The following EXT1 variants were observed in gnomAD, a reference collection of about 807,000 sequenced individuals.
The protein encoded by EXT1 is exostosin-1.
Under a neutral mutation model 82.5 loss-of-function variants are expected in EXT1, and 20 were observed. The observed-to-expected ratio is 0.24, with a 90% confidence interval of 0.17 to 0.35. The LOEUF (loss-of-function observed/expected upper bound fraction) is 0.35. Among genes scored for constraint, EXT1 ranks in the 10% least tolerant of loss-of-function variants. EXT1 has a pLI of 1.00. For synonymous variants in EXT1, 348 were observed against 350.8 expected, an observed-to-expected ratio of 0.99 and a Z score of 0.09; for missense variants, 757 against 936.5, an observed-to-expected ratio of 0.81 and a Z score of 2.50.
chr8:117,813,552 T>A (rs1285604750), intron 7 of EXT1, among the ~76,000 whole-genome samples: 3 of 152,174 alleles, frequency 2.0e-5, no homozygotes, highest in Non-Finnish European at 2.9e-5. Context: ...CAGATCACTG[T>A]AGAAAGTGCT....
Position 117,861,626 on chromosome 8 carries a change from C to T in EXT1, c.963-24425G>A, listed in dbSNP as rs1438208863. ...TCTTGCACCTCAGCCTCCTGAGTAG[C>T]TGGGATTACAGATACGTGCCACCAC... On this transcript the variant is annotated intron_variant, in intron 1 of 10. Coordinates refer to ENST00000378204, the MANE Select transcript of EXT1 (RefSeq NM_000127.3). Among the ~76,000 whole-genome samples the T allele has an allele frequency of 1.4e-5, 2 of 141,178 alleles. 1 individual carries two copies. The highest frequency in any genetic ancestry group is 5.0e-5 in the African/African-American group (2 of 40,366). The allele number at this position is 141,178 out of a possible 152,430, so 92.6% of individuals were successfully genotyped here.
intron 7 of EXT1, among the ~76,000 whole-genome samples, chr8:117,816,821 T>A (rs1811829575): frequency 6.6e-6 from 1 of 152,172 alleles, no homozygotes; most frequent in African/African-American, 2.4e-5. Flanking sequence ...TATCCTGACA[T>A]ATCCAAAGAA....
intron 1 of EXT1, among the ~76,000 whole-genome samples, chr8:117,864,379 C>A (rs887565575): frequency 2.0e-5 from 3 of 152,110 alleles, no homozygotes; most frequent in African/African-American, 7.2e-5. Context: ...TTTGGCTTTC[C>A]TGGGCCAGGA....
intron 1 of EXT1, among the ~76,000 whole-genome samples, chr8:118,096,700 G>A (rs956529985): frequency 6.8e-6 from 1 of 147,474 alleles, no homozygotes; most frequent in Non-Finnish European, 1.5e-5. Context: ...GGGAAGGAGG[G>A]AAGGAGGGAG....
chr8:118,043,659 C>T (rs1816573651), intron 1 of EXT1, among the ~76,000 whole-genome samples: 1 of 152,228 alleles, frequency 6.6e-6, no homozygotes, highest in Non-Finnish European at 1.5e-5. Context: ...AGATATTCTC[C>T]TCCAACTCCA....
chr8:117,894,540 T>C (rs2129951715), intron 1 of EXT1, among the ~76,000 whole-genome samples: 1 of 152,342 alleles, frequency 6.6e-6, no homozygotes, highest in South Asian at 2.1e-4. Context: ...CCTATATTCC[T>C]AGTATCACTT....
intron 1 of EXT1, among the ~76,000 whole-genome samples, chr8:118,025,363 C>T (rs1460861265): frequency 6.6e-6 from 1 of 152,056 alleles, no homozygotes; most frequent in Non-Finnish European, 1.5e-5. Context: ...AACATTCCAG[C>T]CAAAGAATGT....
At chr8:117,959,917 C>T (rs570308119) in intron 1 of EXT1, among the ~76,000 whole-genome samples, 1 of 152,278 alleles carries the variant, frequency 6.6e-6, no homozygotes, top group Non-Finnish European at 1.5e-5. Flanking sequence ...CAGATTGGCA[C>T]ATAATAAATA....
chr8:118,013,269 C>T (rs918521735), intron 1 of EXT1, among the ~76,000 whole-genome samples: 2 of 152,070 alleles, frequency 1.3e-5, no homozygotes, highest in Admixed American at 6.5e-5. Context: ...AGTGCAGTGG[C>T]GCAATCTTAG....
At chr8:117,802,158 T>C (rs554935635) in intron 10 of EXT1, among the ~76,000 whole-genome samples, 30 of 152,256 alleles carry the variant, frequency 2.0e-4, no homozygotes, top group Middle Eastern at 6.8e-3. Context: ...AGACCTAAGG[T>C]TAAATTTAGA....
At chr8:118,008,263 T>G (rs1039006151) in intron 1 of EXT1, among the ~76,000 whole-genome samples, 1 of 152,134 alleles carries the variant, frequency 6.6e-6, no homozygotes, top group Non-Finnish European at 1.5e-5. Context: ...ATACTTTTTT[T>G]TGTTTTTTTA....
chr8:117,878,721 T>C (rs2129913685), intron 1 of EXT1, among the ~76,000 whole-genome samples: 1 of 152,348 alleles, frequency 6.6e-6, no homozygotes, highest in East Asian at 1.9e-4. Flanking sequence ...CCCTTTCTTA[T>C]TCTCATCATC....
intron 1 of EXT1, among the ~76,000 whole-genome samples, chr8:118,076,724 G>C (rs1817219177): frequency 6.6e-6 from 1 of 152,130 alleles, no homozygotes; most frequent in Non-Finnish European, 1.5e-5. Context: ...ATTTTTAGGA[G>C]GTCGAGATGC....
intron 1 of EXT1, among the ~76,000 whole-genome samples, chr8:118,072,790 C>G (rs915841184): frequency 6.6e-6 from 1 of 152,114 alleles, no homozygotes; most frequent in African/African-American, 2.4e-5. Context: ...AGGCATTTAA[C>G]AAAATGTTTC....
chr8:117,826,604 T>G (rs1484303738), intron 4 of EXT1, among the ~76,000 whole-genome samples: 1 of 152,206 alleles, frequency 6.6e-6, no homozygotes, highest in Non-Finnish European at 1.5e-5. Context: ...TTTCCCCTGA[T>G]TTTTTGATTA....
At chr8:117,962,248 T>A (rs1048848093) in intron 1 of EXT1, among the ~76,000 whole-genome samples, 5 of 152,194 alleles carry the variant, frequency 3.3e-5, no homozygotes, top group Non-Finnish European at 5.9e-5. Flanking sequence ...CTTCTTTCTA[T>A]GAATCTATGC....
At chr8:117,955,780 C>T (rs573330503) in intron 1 of EXT1, among the ~76,000 whole-genome samples, 1 of 152,310 alleles carries the variant, frequency 6.6e-6, no homozygotes, top group East Asian at 1.9e-4. Context: ...TGGTCTCTAA[C>T]TCCTGGCCTG....
At chr8:117,954,386 GC>G (rs542576895) in intron 1 of EXT1, among the ~76,000 whole-genome samples, 1 of 152,136 alleles carries the variant, frequency 6.6e-6, no homozygotes, top group Non-Finnish European at 1.5e-5. Flanking sequence ...CAGCTGTCTT[GC>G]CCCCATAAGA....
chr8:117,870,823 T>TCTCACACACACACACACACA lies in EXT1; in HGVS notation c.963-33623_963-33622insTGTGTGTGTGTGTGTGTGAG, dbSNP rs150568638. ...CAGTGGGTATACCATAAATGCTTTG[T>TCTCACACACACACACACACA]CACACACACACACACACACACACAC... On this transcript the variant is annotated intron_variant, in intron 1 of 10. Transcript: ENST00000378204. 3.5e-4 allele frequency among the ~76,000 whole-genome samples: 51 copies of TCTCACACACACACACACACA among 146,870 alleles called. 1 individual carries two copies. The highest frequency in any genetic ancestry group is 1.3e-3 in the African/African-American group (51 of 38,820).
Sources: gnomAD v4.1 joint callset for allele counts (sites outside exome capture counted in the v4.1 genomes callset) on GRCh38, gnomAD v4.1.1 for gene constraint, MANE v1.5 for transcripts, NCBI Gene and HGNC (gene_info 2026-07-23, HGNC 2026-07-21) for gene names.